Variants in SLC23A2 observed in about 807,000 individuals in gnomAD.
SLC23A2 encodes the protein solute carrier family 23 member 2, also known as Na(+)/L-ascorbic acid transporter 2.
SLC23A2 carries 36 observed loss-of-function variants against 73.3 expected under a neutral mutation model. The observed-to-expected ratio is 0.49, with a 90% confidence interval of 0.38 to 0.65. The LOEUF (loss-of-function observed/expected upper bound fraction) is 0.65, where lower values mean the gene tolerates loss of function less well. SLC23A2 is among the 30% of genes least tolerant of loss of function. SLC23A2 has a pLI of 0.00. For synonymous variants in SLC23A2, 343 were observed against 327.3 expected, an observed-to-expected ratio of 1.05 and a Z score of -0.52; for missense variants, 507 against 841.6, an observed-to-expected ratio of 0.60 and a Z score of 4.92.
chr20:4,862,721 T>C lies in SLC23A2; in HGVS notation c.1486+57A>G, dbSNP rs537048963. The stretch of plus-strand genomic sequence containing the variant: ...CTGAAGGGAGTCAGCAAAAACACCA[T>C]GACCCCTATTAAAAATTTGGAAAAG... On this transcript the variant is annotated intron_variant, in intron 14 of 16. Coordinates refer to ENST00000338244, the MANE Select transcript of SLC23A2 (RefSeq NM_005116.6). This position sits in a 1 kb window ranked among gnomAD's most constrained non-coding sequence, Gnocchi z 5.1. 17 of 1,530,542 alleles carry C rather than the reference T, an allele frequency of 1.1e-5. No individual in the cohort carries two copies. Among genetic ancestry groups the C allele is most frequent in the Admixed American group, 8.7e-5 (5 of 57,478 alleles). The allele number at this position is 1,530,542 out of a possible 1,614,324, so 94.8% of individuals were successfully genotyped here. A position where few individuals can be genotyped will look rare whatever the true frequency, so the allele number is the denominator to read the frequency against.
chr20:4,937,821 G>A (rs887706381), intron 2 of SLC23A2, among the ~76,000 whole-genome samples: 1 of 152,144 alleles, frequency 6.6e-6, no homozygotes, highest in African/African-American at 2.4e-5. Context: ...ACTTGCTGGT[G>A]ATTTTGCCCT....
rs376378382 is a variant in SLC23A2, at chr20:4,991,982, T to C, written c.-282+9424A>G. 6.8e-3 allele frequency among the ~76,000 whole-genome samples: 1,035 copies of C among 151,562 alleles called. 55 individuals carry two copies. The South Asian group carries it at 0.15, about 22-fold the overall frequency. ...AAAATTAGCCAGGCGTGGTGGCACA[T>C]GCCTGTAATCCCAGCTACTCGGGAG... On this transcript the variant is annotated intron_variant, in intron 1 of 16. Coordinates refer to ENST00000338244, the MANE Select transcript of SLC23A2 (RefSeq NM_005116.6).
chr20:5,006,948 CGT>C (rs375441910), intron 1 of SLC23A2, among the ~76,000 whole-genome samples: 11,655 of 147,920 alleles, frequency 0.079, 696 homozygotes, highest in African/African-American at 0.17. Context: ...CCTGAAATGA[CGT>C]GTGTGTGTGT....
chr20:4,956,381 A>T (rs2087288199), intron 2 of SLC23A2, among the ~76,000 whole-genome samples: 1 of 149,788 alleles, frequency 6.7e-6, no homozygotes, highest in African/African-American at 2.5e-5. Context: ...GCTAAAAGCA[A>T]ATGCATTAAC....
intron 1 of SLC23A2, among the ~76,000 whole-genome samples, chr20:4,972,206 G>A (rs1007149482): frequency 1.3e-5 from 2 of 152,140 alleles, no homozygotes; most frequent in Non-Finnish European, 2.9e-5. Context: ...GATTTTCACT[G>A]GAAAATCCTT....
At chr20:4,945,686 C>T (rs1157169468) in intron 2 of SLC23A2, among the ~76,000 whole-genome samples, 7 of 152,024 alleles carry the variant, frequency 4.6e-5, no homozygotes, top group Admixed American at 3.9e-4. Flanking sequence ...TTTGACAGAA[C>T]AAAAAACTTC....
rs1301528580 is a variant in SLC23A2, at chr20:4,874,681, T to C, written c.840A>G (p.Val280=). 6.2e-7 allele frequency: 1 copy of C among 1,610,048 alleles called. No homozygotes were observed. Among genetic ancestry groups the C allele is most frequent in the Non-Finnish European group, 8.5e-7 (1 of 1,177,762 alleles). ...WGIAMLTIFL[V]LLFSQYARNV... ...TTCTGGCGTATTGAGAAAACAGTAA[T>C]ACTAGGAATATTGTCCTGAGGAGAG... Residue 280 remains valine (V), a synonymous_variant, in exon 10 of 17, where the codon GTA becomes GTG. Transcript: ENST00000338244.
rs117875758 is a variant in SLC23A2, at chr20:4,901,982, C to T, written c.324+460G>A. ...GGTAATCCATTCTACCTGTTCTTTT[C>T]TTCCTCCTGCTGTGATGTCAACAAT... On this transcript the variant is annotated intron_variant, in intron 5 of 16. Transcript: ENST00000338244. Among the ~76,000 whole-genome samples the T allele has an allele frequency of 9.2e-5, 14 of 152,194 alleles. No individual in the cohort carries two copies. The East Asian group carries it at 2.5e-3, about 27-fold the overall frequency.
intron 9 of SLC23A2, among the ~76,000 whole-genome samples, chr20:4,877,293 T>C (rs1930698982): frequency 1.3e-5 from 2 of 152,206 alleles, no homozygotes; most frequent in East Asian, 1.9e-4. Context: ...TTGAGGTATA[T>C]ATTTCAGCAT....
intron 1 of SLC23A2, among the ~76,000 whole-genome samples, chr20:4,985,450 ATT>A (rs372176082): frequency 1.2e-4 from 18 of 144,378 alleles, no homozygotes; most frequent in South Asian, 2.2e-4. Context: ...AAAAAACCAC[ATT>A]TTTTTTTTTT....
chr20:4,882,942 C>T (rs1053167257), intron 9 of SLC23A2, among the ~76,000 whole-genome samples: 2 of 152,186 alleles, frequency 1.3e-5, no homozygotes, highest in Non-Finnish European at 2.9e-5. Flanking sequence ...CTTAAACATG[C>T]TCTGCAGACA....
intron 7 of SLC23A2, 89 bp downstream of exon 7, chr20:4,885,732 T>C: frequency 1.1e-6 from 1 of 886,774 alleles, no homozygotes. Flanking sequence ...TTGAAAGGAT[T>C]TAGCGCTGCT....
intron 2 of SLC23A2, among the ~76,000 whole-genome samples, chr20:4,936,253 C>T (rs779897261): frequency 2.0e-5 from 3 of 152,180 alleles, no homozygotes; most frequent in Non-Finnish European, 4.4e-5. Flanking sequence ...CCACAGTGGA[C>T]CTCTGCCTTG....
chr20:4,881,585 A>G (rs1930885499), intron 9 of SLC23A2, among the ~76,000 whole-genome samples: 1 of 152,128 alleles, frequency 6.6e-6, no homozygotes, highest in Non-Finnish European at 1.5e-5. Context: ...GTTTGTCTAC[A>G]TTGGGTTTTG....
chr20:5,005,996 A>AG (rs2088187181), upstream of SLC23A2, among the ~76,000 whole-genome samples: 1 of 152,190 alleles, frequency 6.6e-6, no homozygotes. Flanking sequence ...CAAAAAAAAA[A>AG]GGTGACAGTA....
chr20:4,921,529 G>A, intron 3 of SLC23A2, among the ~76,000 whole-genome samples: 1 of 150,642 alleles, frequency 6.6e-6, no homozygotes, highest in East Asian at 2.0e-4. Context: ...AAGGCTGCAG[G>A]AAGCTATGAT....
At chr20:4,962,313 C>G (rs1042388710) in intron 2 of SLC23A2, among the ~76,000 whole-genome samples, 4 of 152,002 alleles carry the variant, frequency 2.6e-5, no homozygotes, top group Non-Finnish European at 5.9e-5. Flanking sequence ...CTGGAGACAG[C>G]TCAGAGAGGG....
chr20:4,929,317 G>A lies in SLC23A2; in HGVS notation c.108+3138C>T, dbSNP rs111452017. Among the ~76,000 whole-genome samples the A allele has an allele frequency of 4.3e-3, 659 of 152,160 alleles. 4 individuals are homozygous for A. The highest frequency in any genetic ancestry group is 6.6e-3 in the Non-Finnish European group (446 of 67,976). On this transcript the variant is annotated intron_variant, in intron 3 of 16. Coordinates refer to ENST00000338244, the MANE Select transcript of SLC23A2 (RefSeq NM_005116.6). ...AAAAAACACTTATGGAAAAAAATGG[G>A]GCTGACACTGGGACCTGCTGGGCTG... is the stretch of plus-strand genomic sequence containing the variant.
chr20:4,895,658 T>C (rs997431067), intron 6 of SLC23A2, among the ~76,000 whole-genome samples: 1 of 152,194 alleles, frequency 6.6e-6, no homozygotes, highest in Admixed American at 6.5e-5. Flanking sequence ...TAATGCCACA[T>C]GCTGTAAACA....
Sources: gnomAD v4.1 joint callset for allele counts (sites outside exome capture counted in the v4.1 genomes callset) on GRCh38, gnomAD v4.1.1 for gene constraint, Gnocchi (gnomAD v3.1) non-coding constraint, MANE v1.5 for transcripts, NCBI Gene and HGNC (gene_info 2026-07-23, HGNC 2026-07-21) for gene names.